Variants in CLOCK observed in about 807,000 individuals in gnomAD.
CLOCK encodes clock circadian regulator, also known as circadian locomoter output cycles protein kaput.
Under a neutral mutation model 118.4 loss-of-function variants are expected in CLOCK, and 43 were observed. That is an observed-to-expected ratio of 0.36 (90% confidence interval 0.28 to 0.47). The LOEUF (loss-of-function observed/expected upper bound fraction) is 0.47, where lower values mean the gene tolerates loss of function less well. Among genes scored for constraint, CLOCK ranks in the 20% least tolerant of loss-of-function variants. The probability of loss-of-function intolerance (pLI) is 1.00; values close to 1 mark genes in which losing one functional copy is unlikely to be tolerated. For synonymous variants in CLOCK, 326 were observed against 339.2 expected (o/e 0.96, Z 0.43); for missense variants, 846 against 999.9 (o/e 0.85, Z 2.08).
intron 1 of CLOCK, among the ~76,000 whole-genome samples, chr4:55,535,578 TTGTC>T (rs2110100452): frequency 6.6e-6 from 1 of 152,176 alleles, no homozygotes; most frequent in African/African-American, 2.4e-5. Context: ...TAATAGGAAA[TTGTC>T]TGCACTTAGG....
At chr4:55,545,165 T>C (rs553863681) in intron 1 of CLOCK, among the ~76,000 whole-genome samples, 4 of 152,220 alleles carry the variant, frequency 2.6e-5, no homozygotes, top group Admixed American at 2.6e-4. Flanking sequence ...GCTGCACCCA[T>C]TAACTCGTCG....
At chr4:55,445,053 A>T (rs982718982) in intron 18 of CLOCK, among the ~76,000 whole-genome samples, 1 of 136,430 alleles carries the variant, frequency 7.3e-6, no homozygotes, top group Non-Finnish European at 1.6e-5. Context: ...AAAGTGCTCA[A>T]CTCCTGGTTC....
At chr4:55,506,448 AT>A (rs1238704193) in intron 2 of CLOCK, among the ~76,000 whole-genome samples, 3 of 152,248 alleles carry the variant, frequency 2.0e-5, no homozygotes, top group East Asian at 3.8e-4. Flanking sequence ...GGGAAGTTCC[AT>A]TAAAAAAAGA....
intron 2 of CLOCK, among the ~76,000 whole-genome samples, chr4:55,502,068 A>G (rs545677050): frequency 1.3e-5 from 2 of 152,360 alleles, no homozygotes; most frequent in East Asian, 1.9e-4. Context: ...GAGAAATTAT[A>G]AAAGTCTAAA....
chr4:55,456,192 T>C, intron 12 of CLOCK, 26 bp downstream of exon 12: 1 of 1,500,096 alleles, frequency 6.7e-7, no homozygotes, highest in Non-Finnish European at 9.2e-7. Flanking sequence ...CTATTACCTT[T>C]TCATGGAATT....
intron 1 of CLOCK, among the ~76,000 whole-genome samples, chr4:55,522,597 A>G (rs892437945): frequency 1.3e-5 from 2 of 152,194 alleles, no homozygotes; most frequent in African/African-American, 4.8e-5. Flanking sequence ...GGTAACTTAA[A>G]CAGGTATCCT....
At chr4:55,451,123 C>G (rs1211805477) in intron 15 of CLOCK, among the ~76,000 whole-genome samples, 1 of 151,904 alleles carries the variant, frequency 6.6e-6, no homozygotes, top group Admixed American at 6.6e-5. Flanking sequence ...GTAGCAAAAC[C>G]CCTCCCTATT....
intron 1 of CLOCK, among the ~76,000 whole-genome samples, chr4:55,537,299 T>C (rs955412765): frequency 1.3e-5 from 2 of 152,032 alleles, no homozygotes; most frequent in Non-Finnish European, 2.9e-5. Context: ...GGCAACACAG[T>C]GACATCCTTG....
chr4:55,501,234 C>A (rs1980273), intron 2 of CLOCK, among the ~76,000 whole-genome samples: 1 of 152,062 alleles, frequency 6.6e-6, no homozygotes, highest in Admixed American at 6.5e-5. Context: ...AATATAATCT[C>A]TACAGAAAAA....
At chr4:55,479,277 T>C (rs1013181822) in intron 5 of CLOCK, among the ~76,000 whole-genome samples, 1 of 152,140 alleles carries the variant, frequency 6.6e-6, no homozygotes, top group Non-Finnish European at 1.5e-5. Flanking sequence ...ATGGTTATTA[T>C]AAATATATGT....
At chr4:55,475,593 T>G (rs1726457413) in intron 7 of CLOCK, among the ~76,000 whole-genome samples, 1 of 152,000 alleles carries the variant, frequency 6.6e-6, no homozygotes, top group African/African-American at 2.4e-5. Context: ...TTTAAGAAAT[T>G]GCCGTAGCCA....
At chr4:55,531,688 A>G (rs1437651091) in intron 1 of CLOCK, among the ~76,000 whole-genome samples, 3 of 139,216 alleles carry the variant, frequency 2.2e-5, no homozygotes, top group Admixed American at 7.4e-5. Flanking sequence ...CTGGCGACAG[A>G]GCAAGACTTC....
chr4:55,540,505 TC>T (rs563424197), intron 1 of CLOCK: 10 of 152,130 alleles, frequency 6.6e-5, no homozygotes, highest in Non-Finnish European at 1.0e-4. Context: ...TATTGGTATA[TC>T]CCCCATGTGT....
chr4:55,460,766 C>T (rs531310835), intron 9 of CLOCK, among the ~76,000 whole-genome samples: 17 of 152,264 alleles, frequency 1.1e-4, no homozygotes, highest in South Asian at 4.2e-4. Flanking sequence ...TTATATTCTT[C>T]GGTTATTATC....
rs1157522345 is a variant in CLOCK at position 55,476,569 on chromosome 4, A to G, written c.257-515T>C. 2.6e-5 allele frequency among the ~76,000 whole-genome samples: 4 copies of G among 152,274 alleles called. No homozygotes were observed. In the South Asian group the frequency reaches 6.2e-4, roughly 24 times the overall value. Reference sequence around the variant, plus strand: ...ATTAAGTGCTCTATCTTAATTAATCAAAGAGACTAAATTAATATTTTATGC... The same window carrying G: ...ATTAAGTGCTCTATCTTAATTAATCGAAGAGACTAAATTAATATTTTATGC... On this transcript the variant is annotated intron_variant, in intron 6 of 22. Coordinates refer to ENST00000513440, the MANE Select transcript of CLOCK (RefSeq NM_004898.4).
chr4:55,505,500 C>G (rs191017636), intron 2 of CLOCK, among the ~76,000 whole-genome samples: 1 of 151,834 alleles, frequency 6.6e-6, no homozygotes, highest in African/African-American at 2.4e-5. Flanking sequence ...CCCTTATCTA[C>G]TAAAAATACA....
intron 1 of CLOCK, chr4:55,546,058 G>A (rs1173652247): frequency 6.6e-6 from 1 of 152,348 alleles, no homozygotes; most frequent in Admixed American, 6.5e-5. Flanking sequence ...GCGCCGGGAG[G>A]GCGGGGGTTC....
At chr4:55,435,667 T>A (rs1722822078) in intron 22 of CLOCK, 73 bp from the exon 23 acceptor site, 1 of 1,468,428 alleles carries the variant, frequency 6.8e-7, no homozygotes, top group Non-Finnish European at 9.5e-7. Context: ...ACTCACACTC[T>A]CCCCTGTCCA....
chr4:55,506,896 G>T (rs916964343), intron 2 of CLOCK, among the ~76,000 whole-genome samples: 28 of 152,080 alleles, frequency 1.8e-4, no homozygotes, highest in African/African-American at 6.5e-4. Flanking sequence ...ATAATGAGGA[G>T]GTTTCCAGGT....
Sources: allele counts gnomAD v4.1 joint callset (sites outside exome capture counted in the v4.1 genomes callset), GRCh38; gene constraint gnomAD v4.1.1; transcripts MANE v1.5; gene names NCBI Gene and HGNC (gene_info 2026-07-23, HGNC 2026-07-21).